PDE10A: variants seen among roughly 807,000 people sequenced by gnomAD.
The protein encoded by PDE10A is cAMP and cAMP-inhibited cGMP 3',5'-cyclic phosphodiesterase 10A.
Under a neutral mutation model 97.7 loss-of-function variants are expected in PDE10A, and 39 were observed. That is an observed-to-expected ratio of 0.40 (90% CI 0.31 to 0.52). The LOEUF (loss-of-function observed/expected upper bound fraction) is 0.52, where lower values mean the gene tolerates loss of function less well. Ranked by LOEUF, PDE10A falls within the 20% of genes least tolerant of loss-of-function variation. PDE10A has a pLI of 0.56. For synonymous variants in PDE10A, 371 were observed against 376.8 expected (o/e 0.98, Z 0.18); for missense variants, 731 against 1,047.8 (o/e 0.70, Z 4.17).
chr6:165,626,785 G>A (rs929925304), intron 1 of PDE10A, among the ~76,000 whole-genome samples: 1 of 152,156 alleles, frequency 6.6e-6, no homozygotes, highest in Admixed American at 6.5e-5. Context: ...AAGGAGCTGG[G>A]GATGGGGTGG....
intron 18 of PDE10A, among the ~76,000 whole-genome samples, chr6:165,378,755 A>G (rs1002468074): frequency 1.3e-5 from 2 of 152,180 alleles, no homozygotes; most frequent in Non-Finnish European, 1.5e-5. Flanking sequence ...ACAATTACAG[A>G]TCAATAAAAG....
intron 3 of PDE10A, among the ~76,000 whole-genome samples, chr6:165,463,048 G>A (rs918099359): frequency 2.0e-5 from 3 of 152,222 alleles, no homozygotes; most frequent in South Asian, 2.1e-4. Flanking sequence ...CAGAGGTGCT[G>A]CACAACGATT....
At chr6:165,364,117 A>G (rs901996339) in intron 18 of PDE10A, among the ~76,000 whole-genome samples, 2 of 152,198 alleles carry the variant, frequency 1.3e-5, no homozygotes, top group Admixed American at 6.5e-5. Flanking sequence ...GTTATTCTAC[A>G]TATTTGTAAC....
At chr6:165,486,236 C>T (rs1213648551) in intron 2 of PDE10A, among the ~76,000 whole-genome samples, 1 of 152,144 alleles carries the variant, frequency 6.6e-6, no homozygotes, top group Admixed American at 6.6e-5. Context: ...ATGTTATGTG[C>T]ACTTTTGTTG....
At chr6:165,669,996 C>A (rs1396873079) in intron 1 of PDE10A, among the ~76,000 whole-genome samples, 1 of 152,148 alleles carries the variant, frequency 6.6e-6, no homozygotes. Flanking sequence ...TGGCCCCAGC[C>A]CAAGTATGTG....
intron 1 of PDE10A, among the ~76,000 whole-genome samples, chr6:165,702,565 C>A (rs566758359): frequency 6.6e-6 from 1 of 152,332 alleles, no homozygotes; most frequent in Non-Finnish European, 1.5e-5. Flanking sequence ...ATCTGAGTGA[C>A]AAGAAGTGTA....
At chr6:165,409,715 A>G (rs1240690087) in intron 13 of PDE10A, 1 of 152,198 alleles carries the variant, frequency 6.6e-6, no homozygotes, top group Non-Finnish European at 1.5e-5. Flanking sequence ...TGCTCCATAT[A>G]CTACTTGTCA....
At chr6:165,597,958 T>C (rs9348020) in intron 1 of PDE10A, among the ~76,000 whole-genome samples, 4,824 of 152,278 alleles carry the variant, frequency 0.032, 275 homozygotes, top group East Asian at 0.29. Context: ...GAAGTAGAAC[T>C]TGCCTCCTTG....
Position 165,755,345 on chromosome 6 carries a change from T to TACC in PDE10A, c.-614-211778_-614-211777insGGT, listed in dbSNP as rs146720758. 6.2e-3 allele frequency among the ~76,000 whole-genome samples: 948 copies of TACC among 152,344 alleles called. 7 individuals carry two copies. The highest frequency in any genetic ancestry group is 0.022 in the African/African-American group (902 of 41,588). On this transcript the variant is annotated intron_variant, in intron 1 of 19. Coordinates refer to the PDE10A transcript ENST00000366882. ...AATAGCACTTGCGCGTTTTCAGTGT[T>TACC]AAAGAGCTAAATTAAAGCTGCTTGT... is the stretch of plus-strand genomic sequence containing the variant.
intron 3 of PDE10A, among the ~76,000 whole-genome samples, chr6:165,452,243 G>T (rs1791348773): frequency 6.6e-6 from 1 of 152,206 alleles, no homozygotes; most frequent in South Asian, 2.1e-4. Flanking sequence ...GGACAAGTGG[G>T]AGCACTTAAC....
chr6:165,695,247 C>T (rs1201866868), intron 1 of PDE10A, among the ~76,000 whole-genome samples: 2 of 148,984 alleles, frequency 1.3e-5, no homozygotes, highest in African/African-American at 2.5e-5. Flanking sequence ...AAACCAAAAA[C>T]AAAAAAACAT....
At chr6:165,897,598 T>C (rs764573056) in intron 1 of PDE10A, among the ~76,000 whole-genome samples, 2 of 151,920 alleles carry the variant, frequency 1.3e-5, no homozygotes, top group Non-Finnish European at 2.9e-5. Flanking sequence ...GATGGGATCA[T>C]GGCAGGGGAG....
At chr6:165,979,835 G>A (rs1473906989) in intron 1 of PDE10A, among the ~76,000 whole-genome samples, 1 of 152,216 alleles carries the variant, frequency 6.6e-6, no homozygotes, top group Non-Finnish European at 1.5e-5. Flanking sequence ...GAACTCAAGA[G>A]TAATACATAT....
chr6:165,797,979 G>A (rs190788252), intron 1 of PDE10A, among the ~76,000 whole-genome samples: 6 of 152,236 alleles, frequency 3.9e-5, no homozygotes, highest in Admixed American at 1.3e-4. Context: ...GCTAATTCAG[G>A]TCACTTTCTA....
chr6:165,784,909 G>A (rs1473237233), intron 1 of PDE10A, among the ~76,000 whole-genome samples: 4 of 152,212 alleles, frequency 2.6e-5, no homozygotes, highest in Non-Finnish European at 5.9e-5. Flanking sequence ...AGTACTGAGA[G>A]AGCTCCTGGG....
At chr6:165,394,474 G>A (rs923561116) in intron 15 of PDE10A, among the ~76,000 whole-genome samples, 1 of 152,016 alleles carries the variant, frequency 6.6e-6, no homozygotes, top group Non-Finnish European at 1.5e-5. Flanking sequence ...TCATTGATGG[G>A]CATTTGGGTT....
intron 1 of PDE10A, among the ~76,000 whole-genome samples, chr6:165,613,510 G>A (rs537978104): frequency 3.3e-5 from 5 of 152,152 alleles, no homozygotes; most frequent in East Asian, 3.9e-4. Context: ...GTGGTGGTAC[G>A]CACCTATAGT....
intron 21 of PDE10A, among the ~76,000 whole-genome samples, chr6:165,335,540 G>C (rs568164177): frequency 2.0e-5 from 3 of 152,192 alleles, no homozygotes; most frequent in East Asian, 3.9e-4. Flanking sequence ...ATGAGAGCCA[G>C]GGGCCCCTCT....
Position 165,388,054 on chromosome 6 carries a change from C to T in PDE10A, c.2610+244G>A, listed in dbSNP as rs1785428016. 6.6e-6 allele frequency among the ~76,000 whole-genome samples: 1 copy of T among 152,072 alleles called. No individual in the cohort carries two copies. Among genetic ancestry groups the T allele is most frequent in the South Asian group, 2.1e-4 (1 of 4,830 alleles). Reference sequence around the variant, plus strand: ...AAGTATTGCTTTAGGGTTACAGGTACTTACTGATATAATGTTTAAAAAACA... The same window carrying T: ...AAGTATTGCTTTAGGGTTACAGGTATTTACTGATATAATGTTTAAAAAACA... On this transcript the variant is annotated intron_variant, in intron 17 of 21. Coordinates refer to ENST00000539869, the MANE Select transcript of PDE10A (RefSeq NM_001385079.1). The surrounding 1 kb of genome is among the most constrained non-coding windows in gnomAD (Gnocchi z 4.0).
Sources: gnomAD v4.1 joint callset for allele counts (sites outside exome capture counted in the v4.1 genomes callset) on GRCh38, gnomAD v4.1.1 for gene constraint, Gnocchi (gnomAD v3.1) non-coding constraint, MANE v1.5 for transcripts, NCBI Gene and HGNC (gene_info 2026-07-23, HGNC 2026-07-21) for gene names.